Variants in BIN2 observed in about 807,000 individuals in gnomAD.
The protein encoded by BIN2 is bridging integrator 2.
In BIN2, 43 loss-of-function variants were observed where a neutral mutation model predicts 67.9. The ratio of observed to expected loss-of-function variants is 0.63; its 90% confidence interval spans 0.50 to 0.82. The LOEUF is 0.82. BIN2 is among the 40% of genes least tolerant of loss of function. BIN2 has a pLI of 0.00. For missense variants in BIN2, 581 were observed against 671.6 expected, an observed-to-expected ratio of 0.87 and a Z score of 1.49; for synonymous variants, 244 against 246.8, an observed-to-expected ratio of 0.99 and a Z score of 0.11.
At chr12:51,307,678 C>A (rs1001633328) in intron 2 of BIN2, among the ~76,000 whole-genome samples, 11 of 151,374 alleles carry the variant, frequency 7.3e-5, no homozygotes, top group Non-Finnish European at 1.3e-4. Context: ...CCACTGCACT[C>A]CAACCTGGGC....
At chr12:51,315,281 T>C (rs1946094828) in intron 1 of BIN2, among the ~76,000 whole-genome samples, 1 of 152,098 alleles carries the variant, frequency 6.6e-6, no homozygotes, top group Admixed American at 6.6e-5. Flanking sequence ...GCCATTCTCC[T>C]GCCTCAGCCT....
At chr12:51,295,063 G>C (rs1204391389) in intron 9 of BIN2, among the ~76,000 whole-genome samples, 1 of 152,110 alleles carries the variant, frequency 6.6e-6, no homozygotes, top group Non-Finnish European at 1.5e-5. Flanking sequence ...CTCCTGAGTA[G>C]CTAGGAGTAC....
At chr12:51,296,817 T>A (rs1324980934) in intron 8 of BIN2, among the ~76,000 whole-genome samples, 2 of 152,296 alleles carry the variant, frequency 1.3e-5, no homozygotes, top group African/African-American at 4.8e-5. Context: ...TAATTTTTCC[T>A]TCTATAGGCC....
Position 51,302,520 on chromosome 12 carries a change from T to C in BIN2, c.312+166A>G. 9 of 647,026 alleles carry C rather than the reference T, an allele frequency of 1.4e-5. No homozygotes were observed. In the South Asian group the frequency reaches 1.7e-4, roughly 12 times the overall value. 40.1% of individuals were successfully genotyped at this position (647,026 alleles called of 1,614,324 possible). On this transcript the variant is annotated intron_variant, in intron 4 of 12. Transcript: ENST00000615107. ...GATTAGGGAAAACTTGTTTTTACCT[T>C]AACAGTTGTAGCTTCTTCCTACCAC...
At chr12:51,298,943 C>T (rs1475465907) in intron 7 of BIN2, among the ~76,000 whole-genome samples, 3 of 151,914 alleles carry the variant, frequency 2.0e-5, no homozygotes, top group African/African-American at 7.3e-5. Context: ...CATGGTGGCA[C>T]ATGCCTGTAA....
Position 51,297,144 on chromosome 12 carries a change from G to T in BIN2, c.623C>A (p.Thr208Asn), listed in dbSNP as rs753978577. ...CAAGTTGGAAATGTTTTGGAAGATG[G>T]TCACATAGCAGCCAATACGACTATT... ...LYNSRIGCYV[T>N]IFQNISNLRD... The change falls in exon 8 of 13, where the codon ACC (threonine) becomes AAC (asparagine). Residue 208 changes from threonine to asparagine, a missense_variant. Thr to Asn is a moderately conservative substitution (Grantham distance 65). Transcript: ENST00000615107. The T allele has an allele frequency of 1.6e-5, 26 of 1,613,868 alleles. No homozygotes were observed. Among genetic ancestry groups the T allele is most frequent in the Non-Finnish European group, 2.2e-5 (26 of 1,179,912 alleles).
intron 7 of BIN2, among the ~76,000 whole-genome samples, chr12:51,298,124 A>G (rs1461835040): frequency 6.6e-6 from 1 of 152,190 alleles, no homozygotes; most frequent in Non-Finnish European, 1.5e-5. Flanking sequence ...GTGTAATCCC[A>G]GCACTTTGGG....
intron 10 of BIN2, 36 bp from the exon 11 acceptor site, chr12:51,288,224 C>T: frequency 6.4e-7 from 1 of 1,560,080 alleles, no homozygotes; most frequent in Non-Finnish European, 8.8e-7. Context: ...GAGAGAGTCC[C>T]ACACCTTCCA....
At chr12:51,307,090 C>G (rs1210735171) in intron 2 of BIN2, among the ~76,000 whole-genome samples, 2 of 151,844 alleles carry the variant, frequency 1.3e-5, no homozygotes, top group Non-Finnish European at 2.9e-5. Context: ...CGAGACCAGA[C>G]TGGCCAACAT....
intron 10 of BIN2, among the ~76,000 whole-genome samples, chr12:51,290,465 C>G (rs1022676358): frequency 6.6e-6 from 1 of 152,068 alleles, no homozygotes; most frequent in African/African-American, 2.4e-5. Flanking sequence ...ACTCCCAGAA[C>G]TTGGAGGAAA....
intron 9 of BIN2, among the ~76,000 whole-genome samples, chr12:51,294,759 C>T (rs958022764): frequency 1.3e-5 from 2 of 151,854 alleles, no homozygotes; most frequent in African/African-American, 4.8e-5. Flanking sequence ...ATGATAAATA[C>T]TAAATGTAAC....
At chr12:51,310,259 A>G (rs962570876) in intron 2 of BIN2, among the ~76,000 whole-genome samples, 23 of 152,348 alleles carry the variant, frequency 1.5e-4, no homozygotes, top group African/African-American at 5.0e-4. Context: ...TGGGAATTCA[A>G]TCAGCAAAAT....
intron 1 of BIN2, among the ~76,000 whole-genome samples, chr12:51,316,831 A>G (rs1370557977): frequency 6.6e-6 from 1 of 152,146 alleles, no homozygotes; most frequent in Non-Finnish European, 1.5e-5. Flanking sequence ...CAACTTCTGT[A>G]TCTTGTATAC....
At position 51,309,848 on chromosome 12, in the gene BIN2, T is replaced by C. The variant is rs996524678; in HGVS notation, c.162+3975A>G. On this transcript the variant is annotated intron_variant, in intron 2 of 12. Transcript: ENST00000615107. The stretch of plus-strand genomic sequence containing the variant: ...TTCTCTTACCTTTTCTACCTACACA[T>C]CTGCTCTTAGAGAGAGGACAAAGGG... Among the ~76,000 whole-genome samples, 7 of 152,152 alleles carry C rather than the reference T, an allele frequency of 4.6e-5. No homozygotes were observed. The East Asian group carries it at 1.2e-3, about 25-fold the overall frequency.
chr12:51,289,861 C>G (rs990319968), intron 10 of BIN2, among the ~76,000 whole-genome samples: 5 of 151,732 alleles, frequency 3.3e-5, no homozygotes, highest in African/African-American at 4.8e-5. Flanking sequence ...AAAAGGCTGT[C>G]CTTTTTGCTT....
chr12:51,302,609 G>A, intron 4 of BIN2, 77 bp downstream of exon 4: 1 of 1,236,768 alleles, frequency 8.1e-7, no homozygotes, highest in Non-Finnish European at 1.2e-6. Flanking sequence ...TATTTTCTTG[G>A]ATAGAGAAGC....
intron 1 of BIN2, among the ~76,000 whole-genome samples, chr12:51,315,605 G>A (rs546510473): frequency 5.3e-5 from 8 of 152,276 alleles, no homozygotes; most frequent in African/African-American, 1.4e-4. Context: ...TTTTTTACTT[G>A]AGAGACTGTT....
chr12:51,313,905 T>A lies in BIN2; in HGVS notation c.82-2A>T. 1 of 1,613,338 alleles carries A rather than the reference T, an allele frequency of 6.2e-7. No individual in the cohort carries two copies. Among genetic ancestry groups the A allele is most frequent in the African/African-American group, 1.3e-5 (1 of 75,010 alleles). On this transcript the variant is annotated splice_acceptor_variant, in intron 1 of 12. Transcript: ENST00000615107. LOFTEE classifies it high-confidence loss of function. Reference sequence around the variant, plus strand: ...AGCTTTCCCCAATTTCTGCAGCACCTAGGGATATAAGTCAGAAAGGCCCGT... The same window carrying A: ...AGCTTTCCCCAATTTCTGCAGCACCAAGGGATATAAGTCAGAAAGGCCCGT...
intron 12 of BIN2, 124 bp downstream of exon 12, chr12:51,284,592 T>C (rs1046361538): frequency 5.9e-6 from 4 of 681,960 alleles, no homozygotes; most frequent in Non-Finnish European, 1.0e-5. Context: ...TCCCACCTGC[T>C]TGACTGCCCT....
Sources: gnomAD v4.1 joint callset for allele counts (sites outside exome capture counted in the v4.1 genomes callset) on GRCh38, gnomAD v4.1.1 for gene constraint, MANE v1.5 for transcripts, NCBI Gene and HGNC (gene_info 2026-07-23, HGNC 2026-07-21) for gene names.